PTPRT: variants seen among roughly 807,000 people sequenced by gnomAD.
PTPRT encodes receptor-type tyrosine-protein phosphatase T.
PTPRT carries 56 observed loss-of-function variants against 176.8 expected under a neutral mutation model. The ratio of observed to expected loss-of-function variants is 0.32; its 90% CI spans 0.26 to 0.40. PTPRT has a LOEUF of 0.40. Among genes scored for constraint, PTPRT ranks in the 10% least tolerant of loss-of-function variants. PTPRT has a pLI of 1.00. For missense variants in PTPRT, 1,540 were observed against 1,908.2 expected (o/e 0.81, Z 3.60); for synonymous variants, 783 against 739.0 (o/e 1.06, Z -0.96).
intron 6 of PTPRT, among the ~76,000 whole-genome samples, chr20:42,708,047 A>G (rs1227569818): frequency 6.6e-6 from 1 of 152,246 alleles, no homozygotes; most frequent in Non-Finnish European, 1.5e-5. Flanking sequence ...CAATTATTAA[A>G]TTATAAAAAT....
At chr20:42,692,806 A>G (rs2075812178) in intron 6 of PTPRT, among the ~76,000 whole-genome samples, 1 of 152,214 alleles carries the variant, frequency 6.6e-6, no homozygotes, top group African/African-American at 2.4e-5. Flanking sequence ...GAAAAGTTCC[A>G]TAGATTAAAT....
Position 42,789,600 on chromosome 20 carries a change from G to A in PTPRT, c.486+1595C>T, listed in dbSNP as rs2077343727. On this transcript the variant is annotated intron_variant, in intron 3 of 30. Coordinates refer to ENST00000373187, the MANE Select transcript of PTPRT (RefSeq NM_007050.6). Reference sequence around the variant, plus strand: ...GCCTGGAACATGATAAACACCCAATGAACGGTAGGTATCACCATCACCACC... The same window carrying A: ...GCCTGGAACATGATAAACACCCAATAAACGGTAGGTATCACCATCACCACC... 2.0e-5 allele frequency among the ~76,000 whole-genome samples: 3 copies of A among 152,152 alleles called. No homozygotes were observed. In the South Asian group the frequency reaches 6.2e-4, roughly 32 times the overall value.
chr20:42,631,257 T>C (rs1048594538), intron 7 of PTPRT, among the ~76,000 whole-genome samples: 7 of 152,138 alleles, frequency 4.6e-5, no homozygotes, highest in Non-Finnish European at 7.4e-5. Context: ...ATGAAATACA[T>C]TGGGATTCTA....
rs1157772410 is a variant in PTPRT at position 42,245,297 on chromosome 20, C to T, written c.2312+3390G>A. Among the ~76,000 whole-genome samples, 5 of 152,184 alleles carry T rather than the reference C, an allele frequency of 3.3e-5. No individual in the cohort carries two copies. In the South Asian group the frequency reaches 8.3e-4, roughly 25 times the overall value. ...AATGCTCATATCATCCTGTTTATGT[C>T]CATGCAATCCTAATTCCATATGGTT... On this transcript the variant is annotated intron_variant, in intron 14 of 30. Transcript: ENST00000373187.
intron 7 of PTPRT, among the ~76,000 whole-genome samples, chr20:42,579,942 C>T (rs940690295): frequency 2.0e-5 from 3 of 152,046 alleles, no homozygotes; most frequent in Non-Finnish European, 4.4e-5. Context: ...CTTTTGTTGC[C>T]GTTGCTTTTG....
At chr20:42,558,017 T>C (rs913611686) in intron 7 of PTPRT, among the ~76,000 whole-genome samples, 24 of 152,216 alleles carry the variant, frequency 1.6e-4, no homozygotes, top group Admixed American at 4.6e-4. Context: ...GGGGTATAAG[T>C]ACAGGTTTGT....
At chr20:42,475,785 A>G (rs1601094073) in intron 7 of PTPRT, among the ~76,000 whole-genome samples, 2 of 152,296 alleles carry the variant, frequency 1.3e-5, no homozygotes, top group East Asian at 1.9e-4. Flanking sequence ...GTGTGCATAT[A>G]CACACATTTC....
At chr20:42,284,961 GAA>G (rs370285823) in intron 12 of PTPRT, among the ~76,000 whole-genome samples, 3 of 112,600 alleles carry the variant, frequency 2.7e-5, no homozygotes, top group Admixed American at 8.9e-5. Flanking sequence ...CCCAAAAGAT[GAA>G]AAAAAAAAAA....
Position 42,075,082 on chromosome 20 carries a change from C to G in PTPRT, c.*5797G>C, listed in dbSNP as rs906511245. On this transcript the variant is annotated 3_prime_UTR_variant, in exon 31 of 31. Transcript: ENST00000373187. The stretch of plus-strand genomic sequence containing the variant: ...GATCCCTGCAAGACAAAGCCAAGGC[C>G]TTGCATTCTATCACTTCTAGACATG... The G allele has an allele frequency of 4.7e-5, 18 of 379,214 alleles. No homozygotes were observed. Among genetic ancestry groups the G allele is most frequent in the African/African-American group, 2.9e-4 (14 of 48,306 alleles). 23.5% of individuals were successfully genotyped at this position (379,214 alleles called of 1,614,324 possible). A position where few individuals can be genotyped will look rare whatever the true frequency, so the allele number is the denominator to read the frequency against.
intron 1 of PTPRT, among the ~76,000 whole-genome samples, chr20:43,069,719 G>A (rs958519464): frequency 1.3e-5 from 2 of 152,116 alleles, no homozygotes; most frequent in Non-Finnish European, 2.9e-5. Flanking sequence ...TTTTATATAA[G>A]AGCAATTCAG....
chr20:43,006,524 G>A (rs114628090), intron 1 of PTPRT, among the ~76,000 whole-genome samples: 1 of 152,212 alleles, frequency 6.6e-6, no homozygotes, highest in African/African-American at 2.4e-5. Flanking sequence ...CTTTGCTTGT[G>A]TGTTTCACGA....
intron 15 of PTPRT, among the ~76,000 whole-genome samples, chr20:42,235,992 C>T (rs1356423343): frequency 6.6e-6 from 1 of 152,170 alleles, no homozygotes; most frequent in Non-Finnish European, 1.5e-5. Context: ...AACAGCCCTT[C>T]ACATCTCTAA....
intron 7 of PTPRT, among the ~76,000 whole-genome samples, chr20:42,591,975 CTTTTTTTTT>C (rs71335866): frequency 4.9e-5 from 5 of 102,392 alleles, no homozygotes; most frequent in Non-Finnish European, 7.6e-5. Flanking sequence ...GCTGGAGATT[CTTTTTTTTT>C]TTTTTTTTTT....
chr20:42,891,248 A>T (rs1051221613), intron 1 of PTPRT, among the ~76,000 whole-genome samples: 1 of 152,174 alleles, frequency 6.6e-6, no homozygotes, highest in African/African-American at 2.4e-5. Flanking sequence ...GAAACCCAAA[A>T]AATCTACCCC....
chr20:42,629,728 C>T (rs1438890549), intron 7 of PTPRT, among the ~76,000 whole-genome samples: 1 of 152,112 alleles, frequency 6.6e-6, no homozygotes, highest in Non-Finnish European at 1.5e-5. Context: ...AAAGCAGACA[C>T]GTTACCTCTA....
At chr20:42,794,140 G>A (rs117617415) in intron 2 of PTPRT, among the ~76,000 whole-genome samples, 1 of 152,276 alleles carries the variant, frequency 6.6e-6, no homozygotes, top group East Asian at 1.9e-4. Context: ...CCTGTTCCAT[G>A]TAGCTTCATG....
intron 1 of PTPRT, among the ~76,000 whole-genome samples, chr20:42,959,407 A>C (rs1981858103): frequency 6.6e-6 from 1 of 152,216 alleles, no homozygotes; most frequent in African/African-American, 2.4e-5. Context: ...GAAGAAAAGA[A>C]AACCAGATGT....
In PTPRT at chr20:42,995,968, G is replaced by A. The variant is rs533706735; in HGVS notation, c.89-110036C>T. Among the ~76,000 whole-genome samples, 10 of 151,872 alleles carry A rather than the reference G, an allele frequency of 6.6e-5. No individual in the cohort carries two copies. The South Asian group carries it at 1.0e-3, about 16-fold the overall frequency. ...GTAGCTAGGACTACAGGCATATGTC[G>A]CACATCACTATACCCAGCTAAATTT... is the stretch of plus-strand genomic sequence containing the variant. On this transcript the variant is annotated intron_variant, in intron 1 of 30. Transcript: ENST00000373187.
rs2425502 is a variant in PTPRT at position 42,650,169 on chromosome 20, C to T, written c.1153+27697G>A. Among the ~76,000 whole-genome samples the T allele has an allele frequency of 1.5e-4, 23 of 152,112 alleles. No individual in the cohort carries two copies. In the East Asian group the frequency reaches 4.1e-3, roughly 27 times the overall value. On this transcript the variant is annotated intron_variant, in intron 7 of 30. Transcript: ENST00000373187. ...GTTAGCAGTCTCTTCCACTTGGCTC[C>T]TTTTTTACAGGTGATGAAGCACAGA...
Sources: gnomAD v4.1 joint callset for allele counts (sites outside exome capture counted in the v4.1 genomes callset) on GRCh38, gnomAD v4.1.1 for gene constraint, MANE v1.5 for transcripts, NCBI Gene and HGNC (gene_info 2026-07-23, HGNC 2026-07-21) for gene names.